The following CEP128 variants were observed in gnomAD, a reference collection of about 807,000 sequenced individuals.
The protein encoded by CEP128 is centrosomal protein 128kDa.
A neutral mutation model predicts 156.7 loss-of-function variants in CEP128; 132 were observed. The ratio of observed to expected loss-of-function variants is 0.84; its 90% confidence interval spans 0.73 to 0.97. The LOEUF (loss-of-function observed/expected upper bound fraction) is 0.97, where lower values mean the gene tolerates loss of function less well. Among genes scored for constraint, CEP128 ranks in the 50% least tolerant of loss-of-function variants. CEP128 has a pLI of 0.00. For missense variants in CEP128, 1,252 were observed against 1,281.9 expected (o/e 0.98, Z 0.36); for synonymous variants, 469 against 448.9 (o/e 1.04, Z -0.57).
chr14:80,929,245 T>C (rs1885317466), intron 2 of CEP128, among the ~76,000 whole-genome samples: 1 of 152,142 alleles, frequency 6.6e-6, no homozygotes, highest in South Asian at 2.1e-4. Flanking sequence ...TGTAATGAAA[T>C]GAGAATGCTT....
chr14:80,665,479 T>G (rs1895575941), intron 19 of CEP128, among the ~76,000 whole-genome samples: 1 of 152,194 alleles, frequency 6.6e-6, no homozygotes. Flanking sequence ...TGGCTTGTGA[T>G]AGAGGTACAA....
intron 21 of CEP128, among the ~76,000 whole-genome samples, chr14:80,534,077 C>T (rs957070247): frequency 2.0e-5 from 3 of 152,082 alleles, no homozygotes; most frequent in Non-Finnish European, 2.9e-5. Flanking sequence ...ATCTTACAGG[C>T]GTCTCAGGTC....
At chr14:80,699,213 C>T (rs145642475) in intron 19 of CEP128, among the ~76,000 whole-genome samples, 4 of 152,286 alleles carry the variant, frequency 2.6e-5, no homozygotes, top group South Asian at 2.1e-4. Flanking sequence ...CTAAGAATCT[C>T]GCCATTCCTT....
intron 24 of CEP128, among the ~76,000 whole-genome samples, chr14:80,503,418 T>A (rs981917782): frequency 2.0e-5 from 3 of 152,204 alleles, no homozygotes; most frequent in Admixed American, 2.0e-4. Flanking sequence ...CTGCCTATCA[T>A]AGTACTAAAT....
chr14:80,586,450 C>T (rs1485784139), intron 19 of CEP128, among the ~76,000 whole-genome samples: 1 of 152,150 alleles, frequency 6.6e-6, no homozygotes, highest in African/African-American at 2.4e-5. Context: ...GAGCCCAGGG[C>T]TTTTGAATTG....
At chr14:80,677,461 A>ATGCAGGC (rs1896107276) in intron 19 of CEP128, among the ~76,000 whole-genome samples, 1 of 133,024 alleles carries the variant, frequency 7.5e-6, no homozygotes, top group Admixed American at 9.8e-5. Flanking sequence ...GTGAGCCCAG[A>ATGCAGGC]TGGCGCCACT....
chr14:80,564,823 C>T (rs1890842990), intron 20 of CEP128, among the ~76,000 whole-genome samples: 1 of 152,124 alleles, frequency 6.6e-6, no homozygotes, highest in Admixed American at 6.5e-5. Flanking sequence ...CTTTGGGAGG[C>T]TGAGGTGGGT....
chr14:80,928,126 T>C (rs1225381151), intron 2 of CEP128, among the ~76,000 whole-genome samples: 1 of 152,160 alleles, frequency 6.6e-6, no homozygotes, highest in Non-Finnish European at 1.5e-5. Context: ...AGAAAGTTTT[T>C]AAAAATCCCT....
intron 19 of CEP128, among the ~76,000 whole-genome samples, chr14:80,734,429 C>G (rs1898426463): frequency 6.6e-6 from 1 of 151,864 alleles, no homozygotes; most frequent in African/African-American, 2.4e-5. Flanking sequence ...GAAATGACAC[C>G]CTGACTTTTT....
intron 19 of CEP128, among the ~76,000 whole-genome samples, chr14:80,586,037 T>G (rs1891806955): frequency 6.6e-6 from 1 of 152,078 alleles, no homozygotes; most frequent in East Asian, 1.9e-4. Flanking sequence ...TTTTCTTCCT[T>G]AGCTACCCAG....
At chr14:80,915,086 C>T (rs1394214710) in intron 3 of CEP128, among the ~76,000 whole-genome samples, 1 of 152,192 alleles carries the variant, frequency 6.6e-6, no homozygotes, top group Non-Finnish European at 1.5e-5. Context: ...GGGTCTTGCT[C>T]TGCCACCCAG....
At chr14:80,659,282 A>G (rs1019166035) in intron 19 of CEP128, among the ~76,000 whole-genome samples, 7 of 152,216 alleles carry the variant, frequency 4.6e-5, no homozygotes, top group Admixed American at 6.5e-5. Flanking sequence ...GGTCAAAAAA[A>G]AATACAGTTT....
intron 19 of CEP128, among the ~76,000 whole-genome samples, chr14:80,609,890 A>T (rs915490993): frequency 2.0e-5 from 3 of 152,020 alleles, no homozygotes; most frequent in Non-Finnish European, 2.9e-5. Context: ...AAAAATGTTC[A>T]CAGTGAAAAA....
intron 24 of CEP128, among the ~76,000 whole-genome samples, chr14:80,504,647 C>T (rs749960678): frequency 5.3e-5 from 8 of 152,092 alleles, no homozygotes; most frequent in South Asian, 2.1e-4. Flanking sequence ...AATCTCCAAA[C>T]GAAAAATTTG....
chr14:80,498,368 G>A (rs1373475870), intron 24 of CEP128, among the ~76,000 whole-genome samples: 3 of 152,182 alleles, frequency 2.0e-5, no homozygotes, highest in South Asian at 2.1e-4. Context: ...GTTACCTTTC[G>A]GAAAAGTCAA....
At chr14:80,955,433 C>A in intron 2 of CEP128, 1 of 575,238 alleles carries the variant, frequency 1.7e-6, no homozygotes, top group Non-Finnish European at 3.1e-6. Context: ...CTGCGTGGGT[C>A]CAGCCAAGGA....
intron 19 of CEP128, among the ~76,000 whole-genome samples, chr14:80,689,318 A>G (rs12589458): frequency 0.36 from 53,604 of 147,186 alleles, 11,955 homozygotes; most frequent in Non-Finnish European, 0.5. Context: ...AAAAAAAGAG[A>G]AATGCATCTT....
chr14:80,955,707 G>A, intron 2 of CEP128: 1 of 1,614,124 alleles, frequency 6.2e-7, no homozygotes, highest in Non-Finnish European at 8.5e-7. Context: ...TGCTGCAGCT[G>A]GTGCTGCTGC....
At chr14:80,847,411 T>C (rs928624019) in intron 9 of CEP128, among the ~76,000 whole-genome samples, 2 of 152,142 alleles carry the variant, frequency 1.3e-5, no homozygotes, top group East Asian at 1.9e-4. Flanking sequence ...GTTTATTTCA[T>C]CTTTGCAAAG....
Sources: gnomAD v4.1 joint callset for allele counts (sites outside exome capture counted in the v4.1 genomes callset) on GRCh38, gnomAD v4.1.1 for gene constraint, MANE v1.5 for transcripts, NCBI Gene and HGNC (gene_info 2026-07-23, HGNC 2026-07-21) for gene names.